The following GNA14 variants were observed in gnomAD, a reference collection of about 807,000 sequenced individuals.
GNA14 encodes the protein G protein subunit alpha 14, also known as guanine nucleotide-binding protein subunit alpha-14.
Under a neutral mutation model 42.0 loss-of-function variants are expected in GNA14, and 50 were observed. That is an observed-to-expected ratio of 1.19 (90% CI 0.95 to 1.51). GNA14 has a LOEUF of 1.51. Ranked by LOEUF, GNA14 falls within the 40% of genes most tolerant of loss-of-function variation. The pLI, the probability that GNA14 is intolerant of heterozygous loss-of-function variation, is 0.00. For missense variants in GNA14, 473 were observed against 446.2 expected, an observed-to-expected ratio of 1.06 and a Z score of -0.54; for synonymous variants, 173 against 163.1, an observed-to-expected ratio of 1.06 and a Z score of -0.46.
chr9:77,503,565 C>T lies in GNA14; in HGVS notation c.309+25504G>A, dbSNP rs369933456. Among the ~76,000 whole-genome samples the T allele has an allele frequency of 4.7e-4, 72 of 152,236 alleles. No homozygotes were observed. The South Asian group carries it at 0.012, about 25-fold the overall frequency. On this transcript the variant is annotated intron_variant, in intron 2 of 6. Coordinates refer to ENST00000341700, the MANE Select transcript of GNA14 (RefSeq NM_004297.4). Reference sequence around the variant, plus strand: ...CCTTTGCATGAATGTGAGCCCTGTGCTTGCACTGATTTCTAAAAATGCTCA... The same window carrying T: ...CCTTTGCATGAATGTGAGCCCTGTGTTTGCACTGATTTCTAAAAATGCTCA...
At chr9:77,618,077 C>T (rs778363705) in intron 1 of GNA14, among the ~76,000 whole-genome samples, 2 of 151,996 alleles carry the variant, frequency 1.3e-5, no homozygotes, top group Non-Finnish European at 2.9e-5. Flanking sequence ...TTCTAAGTAC[C>T]TGAGGCCTAG....
chr9:77,556,642 C>G (rs972553713), intron 1 of GNA14, among the ~76,000 whole-genome samples: 7 of 152,152 alleles, frequency 4.6e-5, no homozygotes, highest in African/African-American at 7.2e-5. Context: ...AGTTCTCCCC[C>G]TCCTCTCTCA....
At chr9:77,475,877 G>C (rs1302936784) in intron 2 of GNA14, among the ~76,000 whole-genome samples, 3 of 152,164 alleles carry the variant, frequency 2.0e-5, no homozygotes, top group Non-Finnish European at 4.4e-5. Context: ...TTGGGGTTCT[G>C]GGGTACCCAA....
intron 1 of GNA14, among the ~76,000 whole-genome samples, chr9:77,618,880 G>T (rs573574426): frequency 1.3e-5 from 2 of 150,888 alleles, no homozygotes. Context: ...TGATCCGCCC[G>T]CCTCGGCCTC....
In GNA14 at chr9:77,516,655, G is replaced by T. The variant is rs529854294; in HGVS notation, c.309+12414C>A. Among the ~76,000 whole-genome samples the T allele has an allele frequency of 1.9e-4, 29 of 152,032 alleles. 1 individual carries two copies. The South Asian group carries it at 5.4e-3, about 28-fold the overall frequency. ...GTGGGAGAATCACTTGAATCTAGGA[G>T]GCGGAGGTTGCAGTAAGCTGAGATG... On this transcript the variant is annotated intron_variant, in intron 2 of 6. Transcript: ENST00000341700.
chr9:77,522,081 C>T (rs989160530), intron 2 of GNA14, among the ~76,000 whole-genome samples: 1 of 152,226 alleles, frequency 6.6e-6, no homozygotes, highest in African/African-American at 2.4e-5. Context: ...AGGCGATCTT[C>T]CTGCCTCGGC....
chr9:77,592,229 G>T (rs919010300), intron 1 of GNA14, among the ~76,000 whole-genome samples: 3 of 152,146 alleles, frequency 2.0e-5, no homozygotes, highest in Non-Finnish European at 2.9e-5. Context: ...CTGTCAGCCT[G>T]GGGTGCTTGA....
At chr9:77,583,309 G>A (rs146414042) in intron 1 of GNA14, among the ~76,000 whole-genome samples, 45 of 152,302 alleles carry the variant, frequency 3.0e-4, no homozygotes, top group African/African-American at 1.0e-3. Flanking sequence ...TACACCCGAG[G>A]TCATGAGAGC....
chr9:77,481,349 T>C (rs1384089844), intron 2 of GNA14, among the ~76,000 whole-genome samples: 5 of 152,252 alleles, frequency 3.3e-5, no homozygotes, highest in African/African-American at 4.8e-5. Context: ...TTCCTTGTAG[T>C]TGAGCGGTTT....
chr9:77,452,336 T>C (rs1402447370), intron 2 of GNA14, among the ~76,000 whole-genome samples: 5 of 152,096 alleles, frequency 3.3e-5, no homozygotes, highest in Non-Finnish European at 7.4e-5. Flanking sequence ...CTTACCAAAT[T>C]TTGAAACAAA....
chr9:77,595,646 G>A (rs921109772), intron 1 of GNA14, among the ~76,000 whole-genome samples: 4 of 152,128 alleles, frequency 2.6e-5, no homozygotes, highest in African/African-American at 4.8e-5. Flanking sequence ...AAAACATTGC[G>A]CTTCTCATTT....
intron 1 of GNA14, among the ~76,000 whole-genome samples, chr9:77,617,555 C>G (rs1823843101): frequency 6.6e-6 from 1 of 152,134 alleles, no homozygotes; most frequent in African/African-American, 2.4e-5. Context: ...CTTCCTGCCT[C>G]CACCATTACC....
intron 1 of GNA14, among the ~76,000 whole-genome samples, chr9:77,612,550 C>G (rs1469428418): frequency 6.6e-6 from 1 of 151,694 alleles, no homozygotes; most frequent in Non-Finnish European, 1.5e-5. Flanking sequence ...AACAAAGACA[C>G]AAGAGCAAAA....
Position 77,648,122 on chromosome 9 carries a change from C to T in GNA14, c.-329G>A. ...TGGCCCCGGGAAGATGCGCGCGCCCCTTGGCACAGGAGCCGGACAGCAGTC... is the reference window on the plus strand; with the variant it reads ...TGGCCCCGGGAAGATGCGCGCGCCCTTTGGCACAGGAGCCGGACAGCAGTC... On this transcript the variant is annotated 5_prime_UTR_variant, in exon 1 of 7. Transcript: ENST00000341700. 1 of 377,472 alleles carries T rather than the reference C, an allele frequency of 2.6e-6. No homozygotes were observed. Among genetic ancestry groups the T allele is most frequent in the South Asian group, 2.9e-5 (1 of 34,440 alleles). 23.4% of individuals were successfully genotyped at this position (377,472 alleles called of 1,614,324 possible).
intron 2 of GNA14, among the ~76,000 whole-genome samples, chr9:77,476,521 T>A (rs1402363186): frequency 6.6e-6 from 1 of 152,168 alleles, no homozygotes; most frequent in Non-Finnish European, 1.5e-5. Context: ...ACATTTGCTG[T>A]ATAATTGAAG....
intron 1 of GNA14, among the ~76,000 whole-genome samples, chr9:77,609,764 C>G (rs1235495696): frequency 6.6e-6 from 1 of 152,144 alleles, no homozygotes; most frequent in African/African-American, 2.4e-5. Context: ...CAAAATATGG[C>G]CCTTTGGCAT....
chr9:77,623,973 CAG>C (rs1435251931), intron 1 of GNA14, among the ~76,000 whole-genome samples: 2 of 152,174 alleles, frequency 1.3e-5, no homozygotes, highest in Non-Finnish European at 2.9e-5. Context: ...TGGTCTAACT[CAG>C]AGGATCCCAC....
At chr9:77,460,153 AG>A (rs1402413349) in intron 2 of GNA14, among the ~76,000 whole-genome samples, 2 of 152,224 alleles carry the variant, frequency 1.3e-5, no homozygotes, top group Non-Finnish European at 2.9e-5. Context: ...ACTTGGAAAG[AG>A]GGTCTTCACT....
intron 2 of GNA14, among the ~76,000 whole-genome samples, chr9:77,484,704 A>C (rs1836626753): frequency 6.6e-6 from 1 of 152,158 alleles, no homozygotes; most frequent in Admixed American, 6.5e-5. Context: ...ACCAAGCCCT[A>C]TATATACTGG....
Sources: allele counts gnomAD v4.1 joint callset (sites outside exome capture counted in the v4.1 genomes callset), GRCh38; gene constraint gnomAD v4.1.1; transcripts MANE v1.5; gene names NCBI Gene and HGNC (gene_info 2026-07-23, HGNC 2026-07-21).